The following ARPP21 variants were observed in gnomAD, a reference collection of about 807,000 sequenced individuals.
The protein encoded by ARPP21 is cAMP regulated phosphoprotein 21.
A neutral mutation model predicts 113.2 loss-of-function variants in ARPP21; 69 were observed. The ratio of observed to expected loss-of-function variants is 0.61; its 90% CI spans 0.50 to 0.74. The LOEUF (loss-of-function observed/expected upper bound fraction) is 0.74, where lower values mean the gene tolerates loss of function less well. Among genes scored for constraint, ARPP21 ranks in the 30% least tolerant of loss-of-function variants. The probability of loss-of-function intolerance (pLI) is 0.00; values close to 1 mark genes in which losing one functional copy is unlikely to be tolerated. For missense variants in ARPP21, 1,070 were observed against 1,037.4 expected (o/e 1.03, Z -0.43); for synonymous variants, 368 against 375.5 (o/e 0.98, Z 0.23).
At chr3:35,755,622 T>C (rs2095544528) in intron 19 of ARPP21, among the ~76,000 whole-genome samples, 1 of 152,092 alleles carries the variant, frequency 6.6e-6, no homozygotes, top group Admixed American at 6.6e-5. Flanking sequence ...TCTCCTTTTC[T>C]AGTAAAAGAC....
chr3:35,685,408 A>T (rs754324343), intron 5 of ARPP21: 124 of 985,164 alleles, frequency 1.3e-4, no homozygotes, highest in Non-Finnish European at 1.4e-4. Context: ...GATAGAAAAC[A>T]TCCAGACACA....
rs555823524 is a variant in ARPP21, at chr3:35,712,289, G to T, written c.898-3150G>T. 2.0e-5 allele frequency among the ~76,000 whole-genome samples: 3 copies of T among 152,226 alleles called. No individual in the cohort carries two copies. In the South Asian group the frequency reaches 6.2e-4, roughly 32 times the overall value. On this transcript the variant is annotated intron_variant, in intron 11 of 20. Coordinates refer to ENST00000684406, the MANE Select transcript of ARPP21 (RefSeq NM_001385562.1). ...CTTTAGTTTAGTTTCTTCATAATTT[G>T]AAAACTGAGCTAACAAAGCGGCTTT...
chr3:35,663,323 G>T (rs1475906266), intron 1 of ARPP21, among the ~76,000 whole-genome samples: 1 of 152,078 alleles, frequency 6.6e-6, no homozygotes, highest in African/African-American at 2.4e-5. Context: ...ATTCTCCTTG[G>T]AAATAACAAT....
At chr3:35,729,238 C>A in intron 14 of ARPP21, 65 bp from the exon 15 acceptor site, 1 of 1,148,906 alleles carries the variant, frequency 8.7e-7, no homozygotes, top group South Asian at 1.3e-5. Context: ...AGCATTTAGA[C>A]TCAGATTGGT....
At chr3:35,653,303 C>A (rs1703271377) in intron 1 of ARPP21, among the ~76,000 whole-genome samples, 3 of 151,758 alleles carry the variant, frequency 2.0e-5, no homozygotes, top group African/African-American at 7.3e-5. Flanking sequence ...TAATTTTTTT[C>A]TTTGTAATAT....
At chr3:35,792,253 C>T (rs1445723060) in intron 19 of ARPP21, 129 bp from the exon 20 acceptor site, 1 of 740,590 alleles carries the variant, frequency 1.4e-6, no homozygotes, top group Non-Finnish European at 2.3e-6. Context: ...GAATAAACAT[C>T]TGATAACACA....
chr3:35,783,882 C>T (rs369479452), intron 19 of ARPP21, among the ~76,000 whole-genome samples: 6 of 152,218 alleles, frequency 3.9e-5, no homozygotes, highest in Admixed American at 2.6e-4. Flanking sequence ...CATGCTGATC[C>T]TTATGTTTAT....
intron 1 of ARPP21, among the ~76,000 whole-genome samples, chr3:35,670,214 C>T (rs1217121518): frequency 6.6e-6 from 1 of 152,040 alleles, no homozygotes; most frequent in Non-Finnish European, 1.5e-5. Flanking sequence ...TTTTCTTTGA[C>T]TCTGGCTTGC....
Position 35,785,048 on chromosome 3 carries a change from A to G in ARPP21, c.2138-7334A>G, listed in dbSNP as rs543854520. 6 of 152,252 alleles carry G rather than the reference A, an allele frequency of 3.9e-5. No homozygotes were observed. In the South Asian group the frequency reaches 1.2e-3, roughly 32 times the overall value. 9.4% of individuals were successfully genotyped at this position (152,252 alleles called of 1,614,324 possible). Reference sequence around the variant, plus strand: ...GTCAGCTGGCCAACAGCACTTCATCAATGAAAATATCCACCAGGAGGAATA... The same window carrying G: ...GTCAGCTGGCCAACAGCACTTCATCGATGAAAATATCCACCAGGAGGAATA... On this transcript the variant is annotated intron_variant, in intron 19 of 20. Transcript: ENST00000684406.
chr3:35,686,235 C>T (rs1303394063), intron 5 of ARPP21, among the ~76,000 whole-genome samples: 1 of 151,620 alleles, frequency 6.6e-6, no homozygotes, highest in Non-Finnish European at 1.5e-5. Context: ...ATTTCTTTAG[C>T]AAGTAGAAGC....
At chr3:35,670,780 GA>G (rs1212215621) in intron 1 of ARPP21, among the ~76,000 whole-genome samples, 2 of 152,090 alleles carry the variant, frequency 1.3e-5, no homozygotes, top group Non-Finnish European at 2.9e-5. Context: ...TGAGGCTCCT[GA>G]AAATGTTTTC....
Position 35,715,412 on chromosome 3 carries a change from A to G in ARPP21, c.898-27A>G, listed in dbSNP as rs533837556. ...TCCCTCAGCATATCCAGAACTTCTG[A>G]TCCAATGCCTTTTTTTTATTTTTCA... is the stretch of plus-strand genomic sequence containing the variant. On this transcript the variant is annotated intron_variant, in intron 11 of 20. Transcript: ENST00000684406. 3 of 1,609,180 alleles carry G rather than the reference A, an allele frequency of 1.9e-6. No homozygotes were observed. The South Asian group carries it at 3.3e-5, about 18-fold the overall frequency.
At chr3:35,786,221 C>T (rs1485301335) in intron 19 of ARPP21, among the ~76,000 whole-genome samples, 1 of 152,078 alleles carries the variant, frequency 6.6e-6, no homozygotes, top group Non-Finnish European at 1.5e-5. Context: ...ATACTGCTTT[C>T]TTGTTTTAAA....
At chr3:35,775,036 T>C (rs1355809659) in intron 19 of ARPP21, 1 of 152,078 alleles carries the variant, frequency 6.6e-6, no homozygotes, top group Non-Finnish European at 1.5e-5. Context: ...AATATGTCAA[T>C]TTAAATAAGA....
rs3086922 is a variant in ARPP21 at position 35,728,152 on chromosome 3, T to TTAATAA, written c.1226-1119_1226-1114dup. 3.8e-3 allele frequency among the ~76,000 whole-genome samples: 492 copies of TTAATAA among 129,588 alleles called. 2 individuals carry two copies. Among genetic ancestry groups the TTAATAA allele is most frequent in the Non-Finnish European group, 4.5e-3 (290 of 64,412 alleles). The allele number at this position is 129,588 out of a possible 152,430, so 85.0% of individuals were successfully genotyped here. A position where few individuals can be genotyped will look rare whatever the true frequency, so the allele number is the denominator to read the frequency against. On this transcript the variant is annotated intron_variant, in intron 14 of 20. Coordinates refer to ENST00000684406, the MANE Select transcript of ARPP21 (RefSeq NM_001385562.1). ...ACCATAAACACTTAAATATATTACA[T>TTAATAA]TAATAATAATAATAATAATAATAAT...
chr3:35,715,878 C>T (rs2092315430), intron 12 of ARPP21: 2 of 156,232 alleles, frequency 1.3e-5, no homozygotes, highest in South Asian at 1.9e-4. Flanking sequence ...CTTCCTGTGC[C>T]CCATAACAAT....
chr3:35,755,518 GC>G (rs2095541225), intron 19 of ARPP21, among the ~76,000 whole-genome samples: 1 of 151,706 alleles, frequency 6.6e-6, no homozygotes, highest in South Asian at 2.1e-4. Flanking sequence ...TTTCTATTCT[GC>G]ACATGTCTCT....
intron 18 of ARPP21, among the ~76,000 whole-genome samples, chr3:35,742,256 T>C (rs1274621952): frequency 6.6e-6 from 1 of 152,226 alleles, no homozygotes; most frequent in African/African-American, 2.4e-5. Flanking sequence ...AAAAGACATG[T>C]AAATATAAAT....
Position 35,707,007 on chromosome 3 carries a change from T to G in ARPP21, c.720T>G (p.Asp240Glu). ...AAAGGTTTTGTGAACATTTAAAAGA[T>G]GAAAAAGGTGAAGAATCCCAGAAGC... is the stretch of plus-strand genomic sequence containing the variant. ...PEQRFCEHLK[D>E]EKGEESQKRF... Residue 240 changes from aspartate (D) to glutamate (E), a missense_variant, in exon 10 of 21, where the codon GAT becomes GAG. Coordinates refer to ENST00000684406, the MANE Select transcript of ARPP21 (RefSeq NM_001385562.1). The G allele has an allele frequency of 2.5e-6, 4 of 1,613,964 alleles. No individual in the cohort carries two copies. Among genetic ancestry groups the G allele is most frequent in the Non-Finnish European group, 2.5e-6 (3 of 1,179,890 alleles).
Sources: gnomAD v4.1 joint callset for allele counts (sites outside exome capture counted in the v4.1 genomes callset) on GRCh38, gnomAD v4.1.1 for gene constraint, MANE v1.5 for transcripts, NCBI Gene and HGNC (gene_info 2026-07-23, HGNC 2026-07-21) for gene names.